Variants in ADARB2 observed in about 807,000 individuals in gnomAD.
ADARB2 encodes the protein inactive double-stranded RNA-specific editase B2.
In ADARB2, 25 loss-of-function variants were observed where a neutral mutation model predicts 62.2. The ratio of observed to expected loss-of-function variants is 0.40; its 90% CI spans 0.29 to 0.56. ADARB2 has a LOEUF of 0.56. ADARB2 is among the 20% of genes least tolerant of loss of function. ADARB2 has a pLI of 0.43. For missense variants in ADARB2, 1,071 were observed against 1,077.4 expected, an observed-to-expected ratio of 0.99 and a Z score of 0.08; for synonymous variants, 572 against 500.8, an observed-to-expected ratio of 1.14 and a Z score of -1.90.
At chr10:1,724,972 T>C (rs1835145267) in intron 1 of ADARB2, among the ~76,000 whole-genome samples, 1 of 152,188 alleles carries the variant, frequency 6.6e-6, no homozygotes, top group Non-Finnish European at 1.5e-5. Context: ...CATGAAGCTG[T>C]TAGGACAGGA....
chr10:1,397,905 G>A (rs1588243810), intron 1 of ADARB2, among the ~76,000 whole-genome samples: 3 of 128,996 alleles, frequency 2.3e-5, no homozygotes, highest in East Asian at 2.5e-4. Context: ...CCGAGTGGAG[G>A]CTTCCTGGGT....
rs1460142895 is a variant in ADARB2, at chr10:1,181,291, T to C, written c.*1902A>G. On this transcript the variant is annotated 3_prime_UTR_variant, in exon 10 of 10. Transcript: ENST00000381312. ...ACTCTAAGTTCTCTAAGCTTCATCC[T>C]AGTGATGTCAAGTTACCAGAACTTA... 2.0e-5 allele frequency: 3 copies of C among 152,238 alleles called. No homozygotes were observed. The highest frequency in any genetic ancestry group is 4.4e-5 in the Non-Finnish European group (3 of 68,040). The allele number at this position is 152,238 out of a possible 1,614,324, so 9.4% of individuals were successfully genotyped here.
At chr10:1,276,374 ATTTG>A (rs1387595039) in intron 3 of ADARB2, among the ~76,000 whole-genome samples, 2 of 151,762 alleles carry the variant, frequency 1.3e-5, no homozygotes, top group Non-Finnish European at 2.9e-5. Flanking sequence ...TTTCTTGTAG[ATTTG>A]TTTGAGTTCA....
At chr10:1,567,600 G>A (rs375323383) in intron 1 of ADARB2, among the ~76,000 whole-genome samples, 7 of 152,206 alleles carry the variant, frequency 4.6e-5, no homozygotes, top group African/African-American at 7.2e-5. Flanking sequence ...GACACAGGAC[G>A]TGGCCAGGCA....
chr10:1,501,663 A>G (rs955878512), intron 1 of ADARB2, among the ~76,000 whole-genome samples: 1 of 152,230 alleles, frequency 6.6e-6, no homozygotes, highest in Non-Finnish European at 1.5e-5. Context: ...GCTCGAATAT[A>G]TTGCTCGCCA....
intron 1 of ADARB2, among the ~76,000 whole-genome samples, chr10:1,596,743 T>A (rs1476959747): frequency 6.6e-6 from 1 of 152,108 alleles, no homozygotes; most frequent in Non-Finnish European, 1.5e-5. Flanking sequence ...CAGAAGCACC[T>A]CCGGGAAGGC....
intron 1 of ADARB2, among the ~76,000 whole-genome samples, chr10:1,558,489 A>C (rs112435024): frequency 4.0e-4 from 13 of 32,546 alleles, no homozygotes; most frequent in Non-Finnish European, 6.2e-4. Flanking sequence ...CTCAGCCCCC[A>C]CACACCCCAT....
chr10:1,209,535 T>G (rs1391380449), intron 7 of ADARB2, among the ~76,000 whole-genome samples: 1 of 74,896 alleles, frequency 1.3e-5, no homozygotes, highest in African/African-American at 6.0e-5. Flanking sequence ...ACCTACAGCC[T>G]CGCCCACACC....
chr10:1,472,537 T>G (rs1262904180), intron 1 of ADARB2, among the ~76,000 whole-genome samples: 1 of 152,166 alleles, frequency 6.6e-6, no homozygotes, highest in African/African-American at 2.4e-5. Context: ...GCTGGGGACT[T>G]GGAGGTATGC....
At chr10:1,665,523 A>G (rs1451238647) in intron 1 of ADARB2, among the ~76,000 whole-genome samples, 1 of 152,260 alleles carries the variant, frequency 6.6e-6, no homozygotes, top group East Asian at 1.9e-4. Flanking sequence ...GGGAATCCCC[A>G]GGCACCCCAC....
intron 1 of ADARB2, among the ~76,000 whole-genome samples, chr10:1,693,551 C>T (rs964021467): frequency 3.3e-5 from 5 of 152,264 alleles, no homozygotes; most frequent in East Asian, 1.9e-4. Flanking sequence ...CTTTTCAAAA[C>T]GACCTGTGAT....
intron 1 of ADARB2, among the ~76,000 whole-genome samples, chr10:1,514,751 A>G (rs1831987971): frequency 6.6e-6 from 1 of 152,214 alleles, no homozygotes; most frequent in South Asian, 2.1e-4. Context: ...AAATCCCAGG[A>G]CACTCAAATG....
chr10:1,512,566 A>G (rs138784710), intron 1 of ADARB2, among the ~76,000 whole-genome samples: 59 of 152,386 alleles, frequency 3.9e-4, no homozygotes, highest in African/African-American at 1.4e-3. Context: ...CAAAGAGTGG[A>G]AGCTATTTCC....
At chr10:1,510,110 C>CTCTTTCTTTCTCTCTTTCTT in intron 1 of ADARB2, among the ~76,000 whole-genome samples, 2 of 106,184 alleles carry the variant, frequency 1.9e-5, no homozygotes, top group Non-Finnish European at 3.8e-5. Flanking sequence ...CTTTCTTTCT[C>CTCTTTCTTTCTCTCTTTCTT]TCTTTCTTTC....
chr10:1,436,977 C>T (rs1830841192), intron 1 of ADARB2, among the ~76,000 whole-genome samples: 1 of 152,056 alleles, frequency 6.6e-6, no homozygotes, highest in African/African-American at 2.4e-5. Flanking sequence ...TTGATAAATA[C>T]AATTGCAAGA....
intron 1 of ADARB2, among the ~76,000 whole-genome samples, chr10:1,391,332 G>A (rs532735648): frequency 6.6e-6 from 1 of 152,266 alleles, no homozygotes; most frequent in African/African-American, 2.4e-5. Context: ...GGGATAAATT[G>A]CTTGTTGAAA....
At chr10:1,330,506 A>C (rs547293829) in intron 3 of ADARB2, among the ~76,000 whole-genome samples, 3 of 152,350 alleles carry the variant, frequency 2.0e-5, no homozygotes, top group African/African-American at 7.2e-5. Flanking sequence ...CAAAACTCCC[A>C]CAGTCAACAC....
intron 4 of ADARB2, among the ~76,000 whole-genome samples, chr10:1,265,399 G>T (rs1391104925): frequency 1.3e-5 from 2 of 152,248 alleles, no homozygotes; most frequent in South Asian, 2.1e-4. Context: ...AGTAAGTATT[G>T]TAGGGGTTCA....
chr10:1,489,812 T>G, intron 1 of ADARB2, among the ~76,000 whole-genome samples: 1 of 121,678 alleles, frequency 8.2e-6, no homozygotes, highest in South Asian at 3.2e-4. Flanking sequence ...ATCCTAATAA[T>G]TAGCATATTA....
Sources: gnomAD v4.1 joint callset for allele counts (sites outside exome capture counted in the v4.1 genomes callset) on GRCh38, gnomAD v4.1.1 for gene constraint, MANE v1.5 for transcripts, NCBI Gene and HGNC (gene_info 2026-07-23, HGNC 2026-07-21) for gene names.